The following ARIH2 variants were observed in gnomAD, a reference collection of about 807,000 sequenced individuals.
ARIH2 encodes the protein ariadne RBR E3 ubiquitin protein ligase 2, also known as E3 ubiquitin-protein ligase ARIH2.
In ARIH2, 12 loss-of-function variants were observed where a neutral mutation model predicts 79.8. That is an observed-to-expected ratio of 0.15 (90% CI 0.10 to 0.24). ARIH2 has a LOEUF of 0.24. Among genes scored for constraint, ARIH2 ranks in the 10% least tolerant of loss-of-function variants. The pLI, the probability that ARIH2 is intolerant of heterozygous loss-of-function variation, is 1.00. For missense variants in ARIH2, 301 were observed against 618.3 expected (o/e 0.49, Z 5.44); for synonymous variants, 224 against 213.9 (o/e 1.05, Z -0.41).
intron 13 of ARIH2, among the ~76,000 whole-genome samples, chr3:48,981,279 TG>T (rs1315190331): frequency 6.8e-6 from 1 of 146,758 alleles, no homozygotes. Context: ...TTGCAGTGAG[TG>T]GGGATTGCAC....
At chr3:48,965,737 G>C (rs1470843586) in intron 5 of ARIH2, among the ~76,000 whole-genome samples, 1 of 152,188 alleles carries the variant, frequency 6.6e-6, no homozygotes, top group African/African-American at 2.4e-5. Context: ...GAGGCGGGCG[G>C]ATCACTTGAG....
At chr3:48,974,641 C>T (rs1188688496) in intron 9 of ARIH2, 176 bp from the exon 10 acceptor site, 3 of 657,556 alleles carry the variant, frequency 4.6e-6, no homozygotes, top group Middle Eastern at 8.2e-4. Flanking sequence ...GTGCTGACCT[C>T]ATTTCCTTGA....
At chr3:48,970,366 A>G (rs1185217460) in intron 7 of ARIH2, among the ~76,000 whole-genome samples, 1 of 152,180 alleles carries the variant, frequency 6.6e-6, no homozygotes, top group African/African-American at 2.4e-5. Flanking sequence ...GCAATTCTAT[A>G]TAAACTTAGA....
At chr3:48,948,957 T>A in intron 3 of ARIH2, 1 of 391,674 alleles carries the variant, frequency 2.6e-6, no homozygotes, top group Non-Finnish European at 5.2e-6. Context: ...CATTTGTAAG[T>A]TGAGGGACAT....
chr3:48,977,736 C>T (rs747353663), intron 11 of ARIH2, among the ~76,000 whole-genome samples: 3 of 152,108 alleles, frequency 2.0e-5, no homozygotes, highest in African/African-American at 7.2e-5. Flanking sequence ...GGATTACAGG[C>T]GTGAGGCACC....
At chr3:48,929,744 A>C (rs532962312) in intron 3 of ARIH2, among the ~76,000 whole-genome samples, 10 of 152,134 alleles carry the variant, frequency 6.6e-5, no homozygotes, top group Non-Finnish European at 8.8e-5. Flanking sequence ...TATTTCATCT[A>C]CAGTAGGTAT....
At chr3:48,938,255 A>G (rs1464675770) in intron 3 of ARIH2, among the ~76,000 whole-genome samples, 1 of 152,210 alleles carries the variant, frequency 6.6e-6, no homozygotes, top group African/African-American at 2.4e-5. Context: ...TAACACTGCT[A>G]CTTCAAGATG....
intron 3 of ARIH2, among the ~76,000 whole-genome samples, chr3:48,936,860 G>C (rs2107133121): frequency 6.6e-6 from 1 of 151,950 alleles, no homozygotes; most frequent in Non-Finnish European, 1.5e-5. Context: ...AACCCTGTCT[G>C]TACTAAAAGT....
At chr3:48,980,326 G>A (rs1308692390) in intron 12 of ARIH2, 27 bp from the exon 13 acceptor site, 1 of 1,609,386 alleles carries the variant, frequency 6.2e-7, no homozygotes, top group Non-Finnish European at 8.5e-7. Flanking sequence ...GACTCCTGTG[G>A]TTTTCTTCTT....
chr3:48,970,162 G>A lies in ARIH2; in HGVS notation c.661-433G>A, dbSNP rs372888551. Among the ~76,000 whole-genome samples the A allele has an allele frequency of 1.6e-4, 24 of 150,904 alleles. 1 individual carries two copies. Among genetic ancestry groups the A allele is most frequent in the Middle Eastern group, 3.2e-3 (1 of 316 alleles). ...CTGCCTCGGCCTCCCAAAGTGCTGG[G>A]ATTACAGGCATGAGCCACCGCGCCC... On this transcript the variant is annotated intron_variant, in intron 7 of 15. Transcript: ENST00000356401.
Position 48,961,657 on chromosome 3 carries a change from C to T in ARIH2, c.301C>T (p.Gln101Ter). Reference protein sequence around the residue: ...AKLILVNFHWQVSEILDRYKS... With the variant: ...AKLILVNFHW ...ACTTATATTAGTTAATTTCCACTGGCAAGTTTCAGAGATATTGGACAGGTA... is the reference window on the plus strand; with the variant it reads ...ACTTATATTAGTTAATTTCCACTGGTAAGTTTCAGAGATATTGGACAGGTA... Residue 101 changes from glutamine to a stop codon, truncating the protein, a stop_gained, in exon 4 of 16, where the codon CAA becomes TAA. Coordinates refer to ENST00000356401, the MANE Select transcript of ARIH2 (RefSeq NM_006321.4). LOFTEE classifies it high-confidence loss of function. 1 of 1,609,376 alleles carries T rather than the reference C, an allele frequency of 6.2e-7. No individual in the cohort carries two copies. The highest frequency in any genetic ancestry group is 8.5e-7 in the Non-Finnish European group (1 of 1,175,820).
chr3:48,963,332 T>C (rs994010305), intron 4 of ARIH2, among the ~76,000 whole-genome samples: 2 of 152,154 alleles, frequency 1.3e-5, no homozygotes, highest in Non-Finnish European at 2.9e-5. Flanking sequence ...TCAGCATAAC[T>C]CAGGAGTGGA....
At chr3:48,955,147 AGCGTCGC>A (rs1016583631) in intron 3 of ARIH2, among the ~76,000 whole-genome samples, 16 of 152,228 alleles carry the variant, frequency 1.1e-4, no homozygotes, top group Non-Finnish European at 2.2e-4. Context: ...GCAGTGAGCC[AGCGTCGC>A]GCCACTGTAC....
chr3:48,922,414 C>T (rs2084944423), intron 1 of ARIH2: 1 of 151,938 alleles, frequency 6.6e-6, no homozygotes, highest in Non-Finnish European at 1.5e-5. Context: ...AGTGATTCTC[C>T]TGCCTCAGCC....
rs576497701 is a variant in ARIH2, at chr3:48,943,445, T to G, written c.255+15632T>G. On this transcript the variant is annotated intron_variant, in intron 3 of 15. Coordinates refer to ENST00000356401, the MANE Select transcript of ARIH2 (RefSeq NM_006321.4). The stretch of plus-strand genomic sequence containing the variant: ...AGACCTTGGGCACCTTCATACGCTC[T>G]TGTGGTGGATGTGGGTGTGGTGACA... 9 of 152,080 alleles carry G rather than the reference T, an allele frequency of 5.9e-5. No homozygotes were observed. In the South Asian group the frequency reaches 1.9e-3, roughly 32 times the overall value. The allele number at this position is 152,080 out of a possible 1,614,324, so 9.4% of individuals were successfully genotyped here.
At chr3:48,954,760 A>C (rs1464068533) in intron 3 of ARIH2, among the ~76,000 whole-genome samples, 1 of 152,222 alleles carries the variant, frequency 6.6e-6, no homozygotes, top group Non-Finnish European at 1.5e-5. Flanking sequence ...GGCCCTTGAT[A>C]TGGAGGGAAC....
chr3:48,926,377 C>A (rs149104614), intron 2 of ARIH2, among the ~76,000 whole-genome samples: 6 of 152,026 alleles, frequency 3.9e-5, no homozygotes, highest in Non-Finnish European at 8.8e-5. Context: ...AAGCGTTTCT[C>A]CTGTCTTAGC....
intron 11 of ARIH2, 198 bp downstream of exon 11, chr3:48,975,177 T>C (rs1156822972): frequency 1.3e-6 from 1 of 784,776 alleles, no homozygotes; most frequent in Non-Finnish European, 2.0e-6. Context: ...ATCCCACTGC[T>C]ATCTTGCTAA....
Position 48,985,196 on chromosome 3 carries a change from T to G in ARIH2, c.*1926T>G, listed in dbSNP as rs2092872800. 1 of 152,278 alleles carries G rather than the reference T, an allele frequency of 6.6e-6. No homozygotes were observed. Among genetic ancestry groups the G allele is most frequent in the African/African-American group, 2.4e-5 (1 of 41,458 alleles). 9.4% of individuals were successfully genotyped at this position (152,278 alleles called of 1,614,324 possible). On this transcript the variant is annotated 3_prime_UTR_variant, in exon 16 of 16. Coordinates refer to ENST00000356401, the MANE Select transcript of ARIH2 (RefSeq NM_006321.4). ...ACCCTAAATCACACCCTGGGCATTG[T>G]CTGGGCTGCAGGGCTGCCAGGTTCT...
Sources: allele counts gnomAD v4.1 joint callset (sites outside exome capture counted in the v4.1 genomes callset), GRCh38; gene constraint gnomAD v4.1.1; transcripts MANE v1.5; gene names NCBI Gene and HGNC (gene_info 2026-07-23, HGNC 2026-07-21).